The following RBM28 variants were observed in gnomAD, a reference collection of about 807,000 sequenced individuals.
RBM28 encodes RNA-binding protein 28.
Under a neutral mutation model 98.3 loss-of-function variants are expected in RBM28, and 78 were observed. The observed-to-expected ratio is 0.79, with a 90% CI of 0.66 to 0.96. The LOEUF is 0.96. Among genes scored for constraint, RBM28 ranks in the 40% least tolerant of loss-of-function variants. RBM28 has a pLI of 0.00. For missense variants in RBM28, 838 were observed against 913.0 expected, an observed-to-expected ratio of 0.92 and a Z score of 1.06; for synonymous variants, 306 against 330.9, an observed-to-expected ratio of 0.92 and a Z score of 0.82.
At chr7:128,329,583 AAT>A (rs1301268992) in intron 10 of RBM28, among the ~76,000 whole-genome samples, 1 of 152,184 alleles carries the variant, frequency 6.6e-6, no homozygotes, top group East Asian at 1.9e-4. Flanking sequence ...ATCTCAAACG[AAT>A]CATGAATCAC....
chr7:128,343,652 T>G, intron 1 of RBM28, 24 bp downstream of exon 1: 1 of 1,581,610 alleles, frequency 6.3e-7, no homozygotes, highest in Non-Finnish European at 8.6e-7. Context: ...ACCCCAGCCC[T>G]ATCCTCGACC....
At position 128,338,308 on chromosome 7, in the gene RBM28, G is replaced by C. The variant is rs147630396; in HGVS notation, c.483C>G (p.Phe161Leu). 6.2e-7 allele frequency: 1 copy of C among 1,614,000 alleles called. No individual in the cohort carries two copies. Among genetic ancestry groups the C allele is most frequent in the African/African-American group, 1.3e-5 (1 of 74,896 alleles). Residue 161 changes from phenylalanine (F) to leucine (L), a missense_variant, in exon 5 of 19, where the codon TTC (phenylalanine) becomes TTG (leucine). Coordinates refer to ENST00000223073, the MANE Select transcript of RBM28 (RefSeq NM_018077.3). ...CTTTACCTGCTTCTAGGAGGTTTTT[G>C]AACTGAACAAAACCAAAACCGCGCA... ...GKMRGFGFVQ[F>L]KNLLEAGKAL...
At chr7:128,318,130 T>C in intron 14 of RBM28, 24 bp from the exon 15 acceptor site, 1 of 1,595,272 alleles carries the variant, frequency 6.3e-7, no homozygotes, top group Non-Finnish European at 8.6e-7. Flanking sequence ...AAGAAAAAAA[T>C]CAGTAATTAC....
chr7:128,334,165 A>G (rs961827966), intron 8 of RBM28, among the ~76,000 whole-genome samples: 1 of 152,222 alleles, frequency 6.6e-6, no homozygotes, highest in African/African-American at 2.4e-5. Context: ...AGGGAGACTC[A>G]CTGTTTGTTT....
Position 128,308,041 on chromosome 7 carries a change from G to A in RBM28, c.*2756C>T, listed in dbSNP as rs1795900547. On this transcript the variant is annotated 3_prime_UTR_variant, in exon 19 of 19. Coordinates refer to ENST00000223073, the MANE Select transcript of RBM28 (RefSeq NM_018077.3). ...CATCAGGCCCTGAAGTGAAGGAGAA[G>A]TGAGCACAACTCTCACTGCACTAAA... The A allele has an allele frequency of 6.6e-6, 1 of 152,214 alleles. No homozygotes were observed. The highest frequency in any genetic ancestry group is 1.9e-4 in the East Asian group (1 of 5,204). 9.4% of individuals were successfully genotyped at this position (152,214 alleles called of 1,614,324 possible).
At chr7:128,321,818 C>T (rs1796242271) in intron 13 of RBM28, among the ~76,000 whole-genome samples, 1 of 152,146 alleles carries the variant, frequency 6.6e-6, no homozygotes. Context: ...GAGGCCAGGG[C>T]AGGCAGATCA....
chr7:128,339,551 A>C, intron 2 of RBM28, 82 bp downstream of exon 2: 14 of 1,469,708 alleles, frequency 9.5e-6, no homozygotes, highest in African/African-American at 4.2e-5. Context: ...TCTAGAAGCT[A>C]CCTCCATGCC....
At chr7:128,329,668 A>G (rs1009711580) in intron 10 of RBM28, among the ~76,000 whole-genome samples, 2 of 152,054 alleles carry the variant, frequency 1.3e-5, no homozygotes, top group South Asian at 4.1e-4. Flanking sequence ...GGTGTATCAC[A>G]AGGTCAGGAG....
At position 128,343,881 on chromosome 7, in the gene RBM28, A is replaced by C. The variant is rs1054897832; in HGVS notation, c.-88T>G. ...AACGCTGGCTTTGGTAGGACAACCA[A>C]GCTCACACGCCGAGAGATTCCGGAA... On this transcript the variant is annotated 5_prime_UTR_variant, in exon 1 of 19. Transcript: ENST00000223073. 5 of 882,110 alleles carry C rather than the reference A, an allele frequency of 5.7e-6. No homozygotes were observed. Among genetic ancestry groups the C allele is most frequent in the African/African-American group, 3.4e-5 (2 of 58,346 alleles). The allele number at this position is 882,110 out of a possible 1,614,324, so 54.6% of individuals were successfully genotyped here. A position where few individuals can be genotyped will look rare whatever the true frequency, so the allele number is the denominator to read the frequency against.
intron 6 of RBM28, 121 bp downstream of exon 6, chr7:128,337,010 C>G (rs901407360): frequency 9.5e-6 from 10 of 1,055,612 alleles, no homozygotes; most frequent in Non-Finnish European, 1.5e-5. Context: ...GCTGGAATTA[C>G]AGGCAAGAGC....
At chr7:128,336,074 AT>A in intron 6 of RBM28, 32 bp from the exon 7 acceptor site, 1 of 1,563,234 alleles carries the variant, frequency 6.4e-7, no homozygotes, top group East Asian at 2.2e-5. Flanking sequence ...GGAGGAATTC[AT>A]TTAATATCCA....
At chr7:128,315,130 C>T (rs2116325846) in intron 16 of RBM28, 110 bp from the exon 17 acceptor site, 1 of 1,483,720 alleles carries the variant, frequency 6.7e-7, no homozygotes, top group African/African-American at 1.4e-5. Context: ...AGGAATTCTT[C>T]CCCCACACAA....
rs769413507 is a variant in RBM28, at chr7:128,314,976, C to A, written c.1833G>T (p.Gly611=). 1 of 1,614,196 alleles carries A rather than the reference C, an allele frequency of 6.2e-7. No homozygotes were observed. The highest frequency in any genetic ancestry group is 8.5e-7 in the Non-Finnish European group (1 of 1,180,036). Residue 611 remains glycine, a synonymous_variant, in exon 17 of 19, where the codon GGG becomes GGT. Transcript: ENST00000223073. ...GCTGGTCTTTTGCAGGCTCTGGTTG[C>A]CCCTTCTGAGGCTCACCAGTTGCAG... ...SKPATGEPQK[G]QPEPAKDQQQ...
At chr7:128,324,814 G>C (rs1053436522) in intron 11 of RBM28, 120 bp from the exon 12 acceptor site, 11 of 1,315,194 alleles carry the variant, frequency 8.4e-6, no homozygotes, top group Admixed American at 1.7e-5. Flanking sequence ...AGGAGTTCAA[G>C]GCCAGCCTGG....
At chr7:128,311,056 T>G in intron 18 of RBM28, 125 bp from the exon 19 acceptor site, 1 of 962,418 alleles carries the variant, frequency 1.0e-6, no homozygotes, top group East Asian at 2.6e-5. Context: ...AAGGGGTAGG[T>G]TTCTAGAGAG....
intron 8 of RBM28, among the ~76,000 whole-genome samples, chr7:128,335,336 T>TA (rs1406362460): frequency 6.6e-6 from 1 of 152,032 alleles, no homozygotes; most frequent in Non-Finnish European, 1.5e-5. Flanking sequence ...AAAACTCACT[T>TA]AAAAAACAAA....
At chr7:128,341,556 T>C (rs1456759961) in intron 1 of RBM28, among the ~76,000 whole-genome samples, 1 of 152,234 alleles carries the variant, frequency 6.6e-6, no homozygotes, top group Non-Finnish European at 1.5e-5. Context: ...CCCGTTTCAC[T>C]GAGTGCAGCA....
chr7:128,326,022 T>A, intron 10 of RBM28, 131 bp from the exon 11 acceptor site: 1 of 773,034 alleles, frequency 1.3e-6, no homozygotes, highest in Non-Finnish European at 2.3e-6. Flanking sequence ...TACAGCCATG[T>A]AGCCGGGTGC....
chr7:128,313,352 C>T, intron 17 of RBM28, 78 bp from the exon 18 acceptor site: 1 of 1,337,040 alleles, frequency 7.5e-7, no homozygotes, highest in Admixed American at 1.7e-5. Context: ...TACACTGGCC[C>T]TTCCCAAGCC....
Sources: gnomAD v4.1 joint callset for allele counts (sites outside exome capture counted in the v4.1 genomes callset) on GRCh38, gnomAD v4.1.1 for gene constraint, MANE v1.5 for transcripts, NCBI Gene and HGNC (gene_info 2026-07-23, HGNC 2026-07-21) for gene names.